Variants in DZIP3 observed in about 807,000 individuals in gnomAD.
DZIP3 encodes the protein E3 ubiquitin-protein ligase DZIP3.
Under a neutral mutation model 162.0 loss-of-function variants are expected in DZIP3, and 118 were observed. The ratio of observed to expected loss-of-function variants is 0.73; its 90% CI spans 0.63 to 0.85. The LOEUF (loss-of-function observed/expected upper bound fraction) is 0.85. DZIP3 is among the 40% of genes least tolerant of loss of function. DZIP3 has a pLI of 0.00. For synonymous variants in DZIP3, 438 were observed against 458.6 expected, an observed-to-expected ratio of 0.96 and a Z score of 0.57; for missense variants, 1,331 against 1,407.0, an observed-to-expected ratio of 0.95 and a Z score of 0.86.
At chr3:108,605,667 G>A (rs1940310249) in intron 2 of DZIP3, among the ~76,000 whole-genome samples, 2 of 152,204 alleles carry the variant, frequency 1.3e-5, no homozygotes, top group Admixed American at 6.5e-5. Flanking sequence ...TGATCTGACA[G>A]AAGGTGGAGC....
rs577190766 is a variant in DZIP3, at chr3:108,635,553, T to C, written c.918+581T>C. Among the ~76,000 whole-genome samples, 193 of 147,566 alleles carry C rather than the reference T, an allele frequency of 1.3e-3. 1 individual carries two copies. Among genetic ancestry groups the C allele is most frequent in the Middle Eastern group, 0.011 (3 of 276 alleles). ...ATAGTTATAATTATATAAGTTATAA[T>C]TATATATAACTGTATAACTACATAA... On this transcript the variant is annotated intron_variant, in intron 10 of 32. Coordinates refer to ENST00000361582, the MANE Select transcript of DZIP3 (RefSeq NM_014648.4).
Position 108,637,488 on chromosome 3 carries a change from A to G in DZIP3, c.1012-8A>G. ...TTTAGGGCTATTTTTTTTCCCCATTACTTGCAGTTTGAAGTTGTGAGAAAG... is the reference window on the plus strand; with the variant it reads ...TTTAGGGCTATTTTTTTTCCCCATTGCTTGCAGTTTGAAGTTGTGAGAAAG... On this transcript the variant is annotated splice_region_variant and splice_polypyrimidine_tract_variant and intron_variant, in intron 11 of 32. Transcript: ENST00000361582. 6.2e-7 allele frequency: 1 copy of G among 1,608,904 alleles called. No individual in the cohort carries two copies. The highest frequency in any genetic ancestry group is 1.1e-5 in the South Asian group (1 of 89,776).
At chr3:108,650,407 C>A (rs1203527923) in intron 17 of DZIP3, among the ~76,000 whole-genome samples, 1 of 151,560 alleles carries the variant, frequency 6.6e-6, no homozygotes, top group Admixed American at 6.6e-5. Context: ...AGTATACAGA[C>A]AAGAAAGCTA....
intron 3 of DZIP3, among the ~76,000 whole-genome samples, chr3:108,610,518 T>C (rs1226347573): frequency 6.6e-6 from 1 of 152,184 alleles, no homozygotes; most frequent in African/African-American, 2.4e-5. Context: ...CATCTCAAGC[T>C]CTATGGGGCT....
chr3:108,625,679 G>C (rs1480200789), intron 6 of DZIP3, among the ~76,000 whole-genome samples, 166 bp from the exon 7 acceptor site: 1 of 151,976 alleles, frequency 6.6e-6, no homozygotes, highest in Non-Finnish European at 1.5e-5. Context: ...CATGATCTTT[G>C]TAATCACATG....
intron 12 of DZIP3, among the ~76,000 whole-genome samples, chr3:108,641,900 C>T (rs985668281): frequency 2.6e-5 from 4 of 152,104 alleles, no homozygotes; most frequent in Admixed American, 6.6e-5. Flanking sequence ...ATCTGTTTAA[C>T]GGCAGCATTT....
At position 108,687,999 on chromosome 3, in the gene DZIP3, G is replaced by A. The variant is rs138409858; in HGVS notation, c.3173G>A (p.Arg1058Gln). The change falls in exon 29 of 33, where the codon CGG becomes CAG. Residue 1058 changes from arginine (R) to glutamine (Q), a missense_variant. By Grantham distance (43) the Arg-to-Gln change is conservative. Coordinates refer to ENST00000361582, the MANE Select transcript of DZIP3 (RefSeq NM_014648.4). ...AGAAAGGAACTTACAGATTTCTTAC[G>A]GAAATTGAAGGATGCTTATGGAAAA... ...QTRKELTDFL[R>Q]KLKDAYGKSL... 88 of 1,613,478 alleles carry A rather than the reference G, an allele frequency of 5.5e-5. No individual in the cohort carries two copies. Among genetic ancestry groups the A allele is most frequent in the African/African-American group, 4.3e-4 (32 of 74,990 alleles).
chr3:108,647,129 G>A (rs1461081950), intron 15 of DZIP3, among the ~76,000 whole-genome samples: 1 of 152,174 alleles, frequency 6.6e-6, no homozygotes, highest in East Asian at 1.9e-4. Flanking sequence ...TTGGCTTAGT[G>A]CATGTGCTTC....
At chr3:108,672,709 T>A (rs1232456822) in intron 23 of DZIP3, 53 bp downstream of exon 23, 12 of 1,326,458 alleles carry the variant, frequency 9.0e-6, no homozygotes, top group Non-Finnish European at 1.3e-5. Flanking sequence ...GTTTTACTTG[T>A]ATACCATCAT....
intron 17 of DZIP3, among the ~76,000 whole-genome samples, chr3:108,649,714 T>C (rs1171300979): frequency 6.6e-6 from 1 of 151,816 alleles, no homozygotes; most frequent in African/African-American, 2.4e-5. Flanking sequence ...TTTGAAAGTG[T>C]AAACAAATTG....
chr3:108,658,853 C>A (rs1436622795), intron 19 of DZIP3, among the ~76,000 whole-genome samples: 3 of 152,272 alleles, frequency 2.0e-5, no homozygotes, highest in Middle Eastern at 3.4e-3. Flanking sequence ...TCAGAGAATA[C>A]TATAAACACC....
chr3:108,676,812 A>G (rs183295752), intron 25 of DZIP3, among the ~76,000 whole-genome samples: 11 of 152,216 alleles, frequency 7.2e-5, no homozygotes, highest in Admixed American at 7.2e-4. Context: ...CATGTCCTCC[A>G]TGCAGAAGTT....
intron 32 of DZIP3, among the ~76,000 whole-genome samples, chr3:108,691,813 C>G (rs1944707989): frequency 6.6e-6 from 1 of 152,164 alleles, no homozygotes; most frequent in Non-Finnish European, 1.5e-5. Context: ...CCACTCATAC[C>G]TGCATAAGTA....
At chr3:108,664,036 C>T (rs1297621617) in intron 21 of DZIP3, among the ~76,000 whole-genome samples, 2 of 152,144 alleles carry the variant, frequency 1.3e-5, no homozygotes, top group Non-Finnish European at 2.9e-5. Flanking sequence ...CTTAAGCACC[C>T]TGGATATAGC....
intron 1 of DZIP3, among the ~76,000 whole-genome samples, chr3:108,601,770 A>G (rs916411857): frequency 8.5e-5 from 13 of 152,174 alleles, no homozygotes; most frequent in African/African-American, 3.1e-4. Flanking sequence ...TGAAACTTGT[A>G]TTTATTTGAG....
intron 22 of DZIP3, among the ~76,000 whole-genome samples, chr3:108,670,045 C>T (rs1247658668): frequency 6.6e-6 from 1 of 151,910 alleles, no homozygotes; most frequent in African/African-American, 2.4e-5. Flanking sequence ...AGAGTTACCC[C>T]AGTCAGTACT....
intron 13 of DZIP3, 75 bp downstream of exon 13, chr3:108,642,589 C>T: frequency 7.4e-7 from 1 of 1,352,562 alleles, no homozygotes; most frequent in Non-Finnish European, 9.8e-7. Context: ...ACTTTCATGC[C>T]ATTAACAACC....
In DZIP3 at chr3:108,693,473, A is replaced by T. The variant is rs544866578; in HGVS notation, c.*120A>T. 1.1e-4 allele frequency: 16 copies of T among 152,216 alleles called. No homozygotes were observed. The South Asian group carries it at 3.1e-3, about 30-fold the overall frequency. The allele number at this position is 152,216 out of a possible 1,614,324, so 9.4% of individuals were successfully genotyped here. A position where few individuals can be genotyped will look rare whatever the true frequency, so the allele number is the denominator to read the frequency against. On this transcript the variant is annotated 3_prime_UTR_variant, in exon 33 of 33. Transcript: ENST00000361582. ...TCGTTAGTTTGAGGAATTTTGTGAG[A>T]CAGTTGTCAAATTGTTGCTAGCTTG... is the stretch of plus-strand genomic sequence containing the variant.
intron 14 of DZIP3, among the ~76,000 whole-genome samples, chr3:108,646,369 C>A (rs1471067666): frequency 4.6e-5 from 7 of 152,116 alleles, no homozygotes; most frequent in Non-Finnish European, 1.0e-4. Flanking sequence ...TGCTTGTGTT[C>A]TAGGCTTTAT....
Sources: allele counts gnomAD v4.1 joint callset (sites outside exome capture counted in the v4.1 genomes callset), GRCh38; gene constraint gnomAD v4.1.1; transcripts MANE v1.5; gene names NCBI Gene and HGNC (gene_info 2026-07-23, HGNC 2026-07-21).